Variants in RFX3 observed in about 807,000 individuals in gnomAD.
RFX3 encodes transcription factor RFX3.
In RFX3, 14 loss-of-function variants were observed where a neutral mutation model predicts 98.6. The observed-to-expected ratio is 0.14, with a 90% CI of 0.09 to 0.22. The LOEUF (loss-of-function observed/expected upper bound fraction) is 0.22, where lower values mean the gene tolerates loss of function less well. Among genes scored for constraint, RFX3 ranks in the 10% least tolerant of loss-of-function variants. RFX3 has a pLI of 1.00. For missense variants in RFX3, 639 were observed against 926.9 expected (o/e 0.69, Z 4.03); for synonymous variants, 383 against 328.4 (o/e 1.17, Z -1.80).
chr9:3,470,405 A>C (rs930804954), intron 1 of RFX3, among the ~76,000 whole-genome samples: 4 of 149,818 alleles, frequency 2.7e-5, no homozygotes, highest in Non-Finnish European at 4.4e-5. Context: ...AGCTCCGCCT[A>C]CCGGGTTCAC....
chr9:3,321,618 A>G (rs1831331862), intron 4 of RFX3, among the ~76,000 whole-genome samples: 1 of 152,154 alleles, frequency 6.6e-6, no homozygotes, highest in African/African-American at 2.4e-5. Context: ...TGAGTATAAT[A>G]CCTCAAAACT....
chr9:3,505,611 A>T (rs1817009238), intron 1 of RFX3, among the ~76,000 whole-genome samples: 1 of 150,596 alleles, frequency 6.6e-6, no homozygotes, highest in African/African-American at 2.4e-5. Context: ...GCCAGCAGCT[A>T]CCAAAGTATC....
At chr9:3,308,763 G>T (rs1001013722) in intron 4 of RFX3, among the ~76,000 whole-genome samples, 4 of 152,114 alleles carry the variant, frequency 2.6e-5, no homozygotes, top group Non-Finnish European at 4.4e-5. Flanking sequence ...CCACCCCCAT[G>T]CCATGACTGT....
chr9:3,353,522 C>T (rs981309298), intron 2 of RFX3, among the ~76,000 whole-genome samples: 4 of 151,882 alleles, frequency 2.6e-5, no homozygotes, highest in Non-Finnish European at 5.9e-5. Context: ...GATGTGATTA[C>T]CCATAGTGGT....
chr9:3,270,279 G>C (rs1055101884), intron 11 of RFX3, 92 bp downstream of exon 11: 7 of 1,277,424 alleles, frequency 5.5e-6, no homozygotes, highest in Non-Finnish European at 6.5e-6. Flanking sequence ...AATGAAATTA[G>C]AATCATTCTA....
At chr9:3,318,494 A>T (rs944232606) in intron 4 of RFX3, among the ~76,000 whole-genome samples, 4 of 151,888 alleles carry the variant, frequency 2.6e-5, no homozygotes, top group African/African-American at 7.3e-5. Context: ...TACGTTGTGC[A>T]CATGTACCCT....
At chr9:3,504,920 A>T (rs539389898) in intron 1 of RFX3, among the ~76,000 whole-genome samples, 44 of 59,202 alleles carry the variant, frequency 7.4e-4, no homozygotes, top group Admixed American at 9.5e-4. Context: ...ATATAATATA[A>T]CATATATTAT....
At chr9:3,524,562 A>C (rs1465289871) in intron 1 of RFX3, 1 of 982,258 alleles carries the variant, frequency 1.0e-6, no homozygotes, top group Non-Finnish European at 1.2e-6. Context: ...AGATTAAAAA[A>C]AAAAAAACTC....
At chr9:3,489,391 C>A (rs1850551432) in intron 1 of RFX3, 1 of 983,024 alleles carries the variant, frequency 1.0e-6, no homozygotes, top group African/African-American at 1.7e-5. Flanking sequence ...CAGTGGAAGG[C>A]CTGTCTTTAA....
intron 12 of RFX3, among the ~76,000 whole-genome samples, chr9:3,264,324 G>T (rs889555912): frequency 6.6e-6 from 1 of 151,964 alleles, no homozygotes; most frequent in Non-Finnish European, 1.5e-5. Flanking sequence ...ACATCTACAG[G>T]AATGTATAGT....
At chr9:3,436,502 A>G (rs1297856057) in intron 1 of RFX3, among the ~76,000 whole-genome samples, 1 of 152,092 alleles carries the variant, frequency 6.6e-6, no homozygotes. Flanking sequence ...AGATAAGAGT[A>G]TTTATGTCAA....
intron 1 of RFX3, among the ~76,000 whole-genome samples, chr9:3,502,568 T>C (rs970476135): frequency 2.0e-5 from 3 of 152,220 alleles, no homozygotes; most frequent in African/African-American, 7.2e-5. Context: ...TCAGTCTTTG[T>C]GCAGTCAACA....
intron 4 of RFX3, among the ~76,000 whole-genome samples, chr9:3,310,526 ACTTT>A (rs1430362252): frequency 6.6e-6 from 1 of 152,192 alleles, no homozygotes; most frequent in Non-Finnish European, 1.5e-5. Context: ...CATGGTAGAA[ACTTT>A]CTTTTCTAGA....
intron 1 of RFX3, among the ~76,000 whole-genome samples, chr9:3,464,027 T>C (rs1847967533): frequency 6.6e-6 from 1 of 152,116 alleles, no homozygotes; most frequent in Non-Finnish European, 1.5e-5. Flanking sequence ...GACCAAAAAC[T>C]ACATGAAAAA....
At chr9:3,349,489 T>C (rs1834827986) in intron 2 of RFX3, among the ~76,000 whole-genome samples, 1 of 152,114 alleles carries the variant, frequency 6.6e-6, no homozygotes, top group Admixed American at 6.6e-5. Flanking sequence ...ATGAAATATC[T>C]ATGTGGTTCC....
chr9:3,463,308 C>T (rs573732650), intron 1 of RFX3, among the ~76,000 whole-genome samples: 11 of 152,102 alleles, frequency 7.2e-5, no homozygotes, highest in African/African-American at 2.2e-4. Flanking sequence ...GGAACTGGAA[C>T]AATCACATAC....
At chr9:3,270,959 C>T (rs1824351736) in intron 10 of RFX3, 44 bp downstream of exon 10, 1 of 1,613,004 alleles carries the variant, frequency 6.2e-7, no homozygotes, top group Non-Finnish European at 8.5e-7. Flanking sequence ...GTTGTGACAT[C>T]TACTCAGCCA....
At chr9:3,451,224 A>C (rs533666726) in intron 1 of RFX3, among the ~76,000 whole-genome samples, 1 of 152,358 alleles carries the variant, frequency 6.6e-6, no homozygotes, top group South Asian at 2.1e-4. Context: ...CCCAAAAATC[A>C]TATAATCCAT....
At chr9:3,317,467 T>C (rs1182294369) in intron 4 of RFX3, among the ~76,000 whole-genome samples, 1 of 152,154 alleles carries the variant, frequency 6.6e-6, no homozygotes, top group African/African-American at 2.4e-5. Flanking sequence ...GGGCAAGGAC[T>C]TCATGACTAA....
Sources: gnomAD v4.1 joint callset for allele counts (sites outside exome capture counted in the v4.1 genomes callset) on GRCh38, gnomAD v4.1.1 for gene constraint, MANE v1.5 for transcripts, NCBI Gene and HGNC (gene_info 2026-07-23, HGNC 2026-07-21) for gene names.